KAT6A: variants seen among roughly 807,000 people sequenced by gnomAD.
KAT6A encodes histone acetyltransferase KAT6A.
Under a neutral mutation model 198.4 loss-of-function variants are expected in KAT6A, and 9 were observed. The ratio of observed to expected loss-of-function variants is 0.05; its 90% confidence interval spans 0.03 to 0.08. KAT6A has a LOEUF of 0.08. Among genes scored for constraint, KAT6A ranks in the 10% least tolerant of loss-of-function variants. The pLI is 1.00. For synonymous variants in KAT6A, 890 were observed against 883.0 expected (o/e 1.01, Z -0.14); for missense variants, 2,077 against 2,509.9 (o/e 0.83, Z 3.69).
chr8:41,998,596 C>T lies in KAT6A; in HGVS notation c.601-11033G>A, dbSNP rs1825340288. Among the ~76,000 whole-genome samples the T allele has an allele frequency of 2.0e-5, 3 of 152,116 alleles. No homozygotes were observed. In the South Asian group the frequency reaches 6.2e-4, roughly 31 times the overall value. ...CCACTTAATTCACCTATGCCTTGCA[C>T]TTAGTATATACTAAGTAAGCGTTTG... On this transcript the variant is annotated intron_variant, in intron 2 of 16. Coordinates refer to ENST00000265713, the MANE Select transcript of KAT6A (RefSeq NM_006766.5).
intron 9 of KAT6A, among the ~76,000 whole-genome samples, chr8:41,951,549 G>C (rs1050796541): frequency 1.5e-4 from 23 of 152,282 alleles, no homozygotes; most frequent in Middle Eastern, 3.4e-3. Flanking sequence ...GCAGGACCTA[G>C]GTCTCAGCTA....
In KAT6A at chr8:41,932,982, T is replaced by C. The variant is rs1821632356; in HGVS notation, c.5238A>G (p.Gln1746=). ...PGDFGAGSYS[Q]PSATFSLAKL... ...TGGCTAGGCTGAAGGTGGCTGATGG[T>C]TGAGAGTAGCTGCCGGCACCAAAAT... Residue 1746 remains glutamine (Q), a synonymous_variant, in exon 17 of 17, where the codon CAA becomes CAG. Coordinates refer to ENST00000265713, the MANE Select transcript of KAT6A (RefSeq NM_006766.5). 1 of 1,614,034 alleles carries C rather than the reference T, an allele frequency of 6.2e-7. No homozygotes were observed. The highest frequency in any genetic ancestry group is 8.5e-7 in the Non-Finnish European group (1 of 1,179,982).
intron 16 of KAT6A, among the ~76,000 whole-genome samples, chr8:41,935,087 G>A (rs1340138210): frequency 6.6e-6 from 1 of 152,152 alleles, no homozygotes; most frequent in Non-Finnish European, 1.5e-5. Flanking sequence ...AAAGAATCCT[G>A]GTCAACATTA....
intron 8 of KAT6A, among the ~76,000 whole-genome samples, chr8:41,959,232 A>C (rs995195841): frequency 1.3e-5 from 2 of 152,106 alleles, no homozygotes; most frequent in Admixed American, 6.5e-5. Context: ...ATGGCCAATA[A>C]GCTCATGAAA....
intron 2 of KAT6A, among the ~76,000 whole-genome samples, chr8:41,999,709 T>C (rs891210663): frequency 2.0e-5 from 3 of 152,236 alleles, no homozygotes; most frequent in African/African-American, 7.2e-5. Context: ...TACTTTACGC[T>C]CATTCTCCAG....
rs577359606 is a variant in KAT6A, at chr8:41,937,252, A to C, written c.3352+4T>G. 3 of 1,609,608 alleles carry C rather than the reference A, an allele frequency of 1.9e-6. No homozygotes were observed. The South Asian group carries it at 3.3e-5, about 18-fold the overall frequency. The stretch of plus-strand genomic sequence containing the variant: ...CCACAGTAAGTGAGTTCTGTAAAAC[A>C]TACCATCAGCATCATCTGACTCTTC... On this transcript the variant is annotated splice_donor_region_variant and intron_variant, in intron 16 of 16. Transcript: ENST00000265713.
At chr8:41,964,710 C>T (rs1823375785) in intron 8 of KAT6A, among the ~76,000 whole-genome samples, 1 of 151,292 alleles carries the variant, frequency 6.6e-6, no homozygotes, top group South Asian at 2.1e-4. Context: ...CCTGTATATA[C>T]TATGTTTTTT....
intron 8 of KAT6A, among the ~76,000 whole-genome samples, chr8:41,955,911 A>C (rs1478699694): frequency 6.6e-6 from 1 of 152,216 alleles, no homozygotes; most frequent in African/African-American, 2.4e-5. Flanking sequence ...ATACAAAAAG[A>C]ATCTGACAAA....
At position 41,933,591 on chromosome 8, in the gene KAT6A, C is replaced by T; in HGVS notation, c.4629G>A (p.Gln1543=). Residue 1543 remains glutamine (Q), a synonymous_variant, in exon 17 of 17, where the codon CAG becomes CAA. Transcript: ENST00000265713. The surrounding 1 kb of genome is among the most constrained non-coding windows in gnomAD (Gnocchi z 6.2). ...MDVPSVSDHS[Q]QVVDSGFSDL... ...CACTGAAGCCGCTGTCCACCACCTG[C>T]TGAGAGTGGTCTGATACGGAAGGCA... The T allele has an allele frequency of 1.2e-6, 2 of 1,614,158 alleles. No individual in the cohort carries two copies. Among genetic ancestry groups the T allele is most frequent in the Non-Finnish European group, 1.7e-6 (2 of 1,180,032 alleles).
At chr8:42,019,533 T>A (rs1441091133) in intron 2 of KAT6A, among the ~76,000 whole-genome samples, 6 of 152,218 alleles carry the variant, frequency 3.9e-5, no homozygotes, top group Admixed American at 3.9e-4. Context: ...TTCAAAAGTA[T>A]GTTGCAGTAT....
chr8:42,014,141 T>A (rs956528335), intron 2 of KAT6A, among the ~76,000 whole-genome samples: 1 of 152,146 alleles, frequency 6.6e-6, no homozygotes, highest in Non-Finnish European at 1.5e-5. Flanking sequence ...CATTTTTAGC[T>A]CATGAACTAT....
intron 9 of KAT6A, among the ~76,000 whole-genome samples, chr8:41,952,233 T>C (rs1822702864): frequency 6.6e-6 from 1 of 152,206 alleles, no homozygotes; most frequent in Non-Finnish European, 1.5e-5. Context: ...CTGGTTCTAG[T>C]GACAATCTCA....
chr8:41,999,779 A>G (rs1422238540), intron 2 of KAT6A, among the ~76,000 whole-genome samples: 1 of 152,236 alleles, frequency 6.6e-6, no homozygotes, highest in Non-Finnish European at 1.5e-5. Context: ...TCACCTCAGC[A>G]GCACTTAGAA....
chr8:42,013,905 C>G (rs994423798), intron 2 of KAT6A, among the ~76,000 whole-genome samples: 116 of 152,080 alleles, frequency 7.6e-4, no homozygotes, highest in Non-Finnish European at 1.3e-4. Context: ...AAAGACCAGA[C>G]AGTAAATATA....
chr8:41,977,438 T>C lies in KAT6A; in HGVS notation c.1044-111A>G. Reference sequence around the variant, plus strand: ...TAACCTACAGCTTTATTAAAATCTATATTATTAAGAATATTCTGCAAACTA... The same window carrying C: ...TAACCTACAGCTTTATTAAAATCTACATTATTAAGAATATTCTGCAAACTA... On this transcript the variant is annotated intron_variant, in intron 6 of 16. Coordinates refer to ENST00000265713, the MANE Select transcript of KAT6A (RefSeq NM_006766.5). 17 of 649,290 alleles carry C rather than the reference T, an allele frequency of 2.6e-5. No individual in the cohort carries two copies. The South Asian group carries it at 4.0e-4, about 15-fold the overall frequency. The allele number at this position is 649,290 out of a possible 1,614,324, so 40.2% of individuals were successfully genotyped here.
chr8:41,930,492 C>T lies in KAT6A; in HGVS notation c.*1713G>A, dbSNP rs1394317743. On this transcript the variant is annotated 3_prime_UTR_variant, in exon 17 of 17. Coordinates refer to ENST00000265713, the MANE Select transcript of KAT6A (RefSeq NM_006766.5). ...TATTAAAAAAACCAACAAACCTGTG[C>T]ATTTGAAAAAAGTTAATGCCTAATT... 1 of 207,078 alleles carries T rather than the reference C, an allele frequency of 4.8e-6. No homozygotes were observed. The highest frequency in any genetic ancestry group is 2.3e-5 in the African/African-American group (1 of 43,674). The allele number at this position is 207,078 out of a possible 1,614,324, so 12.8% of individuals were successfully genotyped here.
At position 41,971,530 on chromosome 8, in the gene KAT6A, T is replaced by C. The variant is rs1056393630; in HGVS notation, c.1482+3174A>G. On this transcript the variant is annotated intron_variant, in intron 8 of 16. Coordinates refer to ENST00000265713, the MANE Select transcript of KAT6A (RefSeq NM_006766.5). The stretch of plus-strand genomic sequence containing the variant: ...GAAGAGGAGGCGGCTGTGGCTGGAG[T>C]AGCCTGAGAGCAAAAAGAGCAGCCA... 4.6e-5 allele frequency among the ~76,000 whole-genome samples: 7 copies of C among 150,640 alleles called. No homozygotes were observed. In the East Asian group the frequency reaches 9.7e-4, roughly 21 times the overall value.
chr8:42,013,007 T>C (rs1044464914), intron 2 of KAT6A, among the ~76,000 whole-genome samples: 5 of 151,218 alleles, frequency 3.3e-5, no homozygotes, highest in Middle Eastern at 3.4e-3. Flanking sequence ...TGTAATATTA[T>C]AGGGAGAATA....
intron 2 of KAT6A, among the ~76,000 whole-genome samples, chr8:42,029,862 T>C (rs1827017932): frequency 6.6e-6 from 1 of 152,212 alleles, no homozygotes; most frequent in South Asian, 2.1e-4. Context: ...CATGAATTAT[T>C]TTTCTGATTT....
Sources: allele counts gnomAD v4.1 joint callset (sites outside exome capture counted in the v4.1 genomes callset), GRCh38; gene constraint gnomAD v4.1.1; non-coding constraint Gnocchi (gnomAD v3.1); transcripts MANE v1.5; gene names NCBI Gene and HGNC (gene_info 2026-07-23, HGNC 2026-07-21).